ATXN10: variants seen among roughly 807,000 people sequenced by gnomAD.
ATXN10 encodes ataxin-10.
In ATXN10, 28 loss-of-function variants were observed where a neutral mutation model predicts 52.9. That is an observed-to-expected ratio of 0.53 (90% confidence interval 0.39 to 0.73). The LOEUF (loss-of-function observed/expected upper bound fraction) is 0.73. ATXN10 is among the 30% of genes least tolerant of loss of function. The pLI, the probability that ATXN10 is intolerant of heterozygous loss-of-function variation, is 0.00. For synonymous variants in ATXN10, 226 were observed against 221.5 expected (o/e 1.02, Z -0.18); for missense variants, 565 against 577.0 (o/e 0.98, Z 0.21).
intron 5 of ATXN10, among the ~76,000 whole-genome samples, chr22:45,711,961 A>C (rs184582322): frequency 6.6e-6 from 1 of 152,354 alleles, no homozygotes; most frequent in African/African-American, 2.4e-5. Context: ...ATACGTGTAT[A>C]TCTTTTTGTG....
chr22:45,844,067 G>T lies in ATXN10; in HGVS notation c.*396G>T. 5.2e-6 allele frequency: 1 copy of T among 192,922 alleles called. No homozygotes were observed. Among genetic ancestry groups the T allele is most frequent in the Non-Finnish European group, 1.1e-5 (1 of 93,964 alleles). 12.0% of individuals were successfully genotyped at this position (192,922 alleles called of 1,614,324 possible). ...ATTCTTTATATTCCTCTTCTCATTG[G>T]GTTTTCTGAACTCTGGCAGGCGGTT... On this transcript the variant is annotated 3_prime_UTR_variant, in exon 12 of 12. Coordinates refer to ENST00000252934, the MANE Select transcript of ATXN10 (RefSeq NM_013236.4).
At chr22:45,796,445 C>T (rs954066784) in intron 9 of ATXN10, among the ~76,000 whole-genome samples, 2 of 152,168 alleles carry the variant, frequency 1.3e-5, no homozygotes, top group Non-Finnish European at 2.9e-5. Flanking sequence ...AGCATGTGAT[C>T]TCTGTGACCC....
At position 45,712,765 on chromosome 22, in the gene ATXN10, A is replaced by G. The variant is rs2146767061; in HGVS notation, c.648-5648A>G. 6.6e-6 allele frequency among the ~76,000 whole-genome samples: 1 copy of G among 152,236 alleles called. No homozygotes were observed. The highest frequency in any genetic ancestry group is 2.1e-4 in the South Asian group (1 of 4,828). On this transcript the variant is annotated intron_variant, in intron 5 of 11. Coordinates refer to ENST00000252934, the MANE Select transcript of ATXN10 (RefSeq NM_013236.4). The surrounding 1 kb of genome is among the most constrained non-coding windows in gnomAD (Gnocchi z 4.6). The stretch of plus-strand genomic sequence containing the variant: ...TGAATCAGTGGACTGTTATTTTTCT[A>G]GTTTAATGCTACTCACGTTTAACCC...
At position 45,842,824 on chromosome 22, in the gene ATXN10, G is replaced by A. The variant is rs889684966; in HGVS notation, c.1238-167G>A. Among the ~76,000 whole-genome samples, 2 of 152,184 alleles carry A rather than the reference G, an allele frequency of 1.3e-5. No individual in the cohort carries two copies. Among genetic ancestry groups the A allele is most frequent in the African/African-American group, 4.8e-5 (2 of 41,444 alleles). ...TATGCCTGCGTTGCCTCTTTTTAAT[G>A]TGTTTGCACTTGAGATGCATATTCA... On this transcript the variant is annotated intron_variant, in intron 10 of 11. Transcript: ENST00000252934. The surrounding 1 kb of genome is among the most constrained non-coding windows in gnomAD (Gnocchi z 4.8).
chr22:45,689,586 A>G (rs1264154413), intron 1 of ATXN10, 126 bp from the exon 2 acceptor site: 4 of 747,076 alleles, frequency 5.4e-6, no homozygotes, highest in Non-Finnish European at 6.9e-6. Flanking sequence ...GTTGTAAATT[A>G]AGGAGCTAAA....
At chr22:45,735,812 C>CTTTTTTTTTTTTTTTTTTTTT (rs746222703) in intron 7 of ATXN10, among the ~76,000 whole-genome samples, 1 of 65,818 alleles carries the variant, frequency 1.5e-5, no homozygotes, top group Non-Finnish European at 2.9e-5. Flanking sequence ...ATTTGCTTGT[C>CTTTTTTTTTTTTTTTTTTTTT]TTTTTTTTTT....
Position 45,763,127 on chromosome 22 carries a change from T to C in ATXN10, c.1173+22589T>C, listed in dbSNP as rs1376424869. Among the ~76,000 whole-genome samples the C allele has an allele frequency of 6.6e-6, 1 of 152,178 alleles. No homozygotes were observed. The highest frequency in any genetic ancestry group is 6.5e-5 in the Admixed American group (1 of 15,280). ...ATCTGGAAGGAGGCCTAGGAAATGA[T>C]GTTTCTGTGGCCTTCCTACCCCCTC... On this transcript the variant is annotated intron_variant, in intron 9 of 11. Coordinates refer to ENST00000252934, the MANE Select transcript of ATXN10 (RefSeq NM_013236.4). The surrounding 1 kb of genome is among the most constrained non-coding windows in gnomAD (Gnocchi z 6.9).
chr22:45,738,134 A>G (rs1307485064), intron 7 of ATXN10, among the ~76,000 whole-genome samples: 1 of 152,214 alleles, frequency 6.6e-6, no homozygotes, highest in African/African-American at 2.4e-5. Context: ...TTGGTCATGC[A>G]GTGTATTTGA....
chr22:45,817,768 G>A (rs1928515055), intron 10 of ATXN10, among the ~76,000 whole-genome samples: 1 of 152,152 alleles, frequency 6.6e-6, no homozygotes. Flanking sequence ...CCAGGGCCCT[G>A]TATGAGTGAA....
chr22:45,770,752 C>G lies in ATXN10; in HGVS notation c.1173+30214C>G, dbSNP rs1367001472. Among the ~76,000 whole-genome samples, 2 of 152,218 alleles carry G rather than the reference C, an allele frequency of 1.3e-5. No individual in the cohort carries two copies. Among genetic ancestry groups the G allele is most frequent in the African/African-American group, 4.8e-5 (2 of 41,460 alleles). On this transcript the variant is annotated intron_variant, in intron 9 of 11. Coordinates refer to ENST00000252934, the MANE Select transcript of ATXN10 (RefSeq NM_013236.4). The surrounding 1 kb of genome is among the most constrained non-coding windows in gnomAD (Gnocchi z 4.5). The stretch of plus-strand genomic sequence containing the variant: ...AGAGGGCTTCTCAAAGAAAGGGGAG[C>G]TAAGGGCAGGATCCAGCCACGTCAC...
At chr22:45,817,651 A>G (rs1911795572) in intron 10 of ATXN10, among the ~76,000 whole-genome samples, 2 of 151,750 alleles carry the variant, frequency 1.3e-5, no homozygotes, top group South Asian at 2.1e-4. Flanking sequence ...TAAGTTGTAT[A>G]GTAATTCTCC....
chr22:45,706,618 C>A (rs969780623), intron 5 of ATXN10, among the ~76,000 whole-genome samples: 1 of 147,326 alleles, frequency 6.8e-6, no homozygotes, highest in Non-Finnish European at 1.5e-5. Context: ...CTTTTACTTT[C>A]ATTTATTTCA....
intron 9 of ATXN10, among the ~76,000 whole-genome samples, chr22:45,796,031 G>A (rs575996354): frequency 4.6e-5 from 7 of 152,316 alleles, no homozygotes; most frequent in African/African-American, 7.2e-5. Context: ...CTGCAGGGCC[G>A]GGCAGAACAG....
At chr22:45,807,066 G>A in intron 10 of ATXN10, 44 bp downstream of exon 10, 1 of 1,546,178 alleles carries the variant, frequency 6.5e-7, no homozygotes, top group South Asian at 1.1e-5. Context: ...TACAGCCGGG[G>A]CCCTTAGCAA....
At chr22:45,721,845 G>T (rs1601606160) in intron 6 of ATXN10, among the ~76,000 whole-genome samples, 2 of 152,130 alleles carry the variant, frequency 1.3e-5, no homozygotes, top group African/African-American at 4.8e-5. Context: ...AACTTGGGAG[G>T]TGGAGGTTGC....
intron 10 of ATXN10, among the ~76,000 whole-genome samples, chr22:45,836,165 C>T (rs1403971066): frequency 6.6e-6 from 1 of 152,048 alleles, no homozygotes; most frequent in African/African-American, 2.4e-5. Context: ...GTAGAATCTG[C>T]ACCATAAATT....
Position 45,715,560 on chromosome 22 carries a change from T to C in ATXN10, c.648-2853T>C, listed in dbSNP as rs1351990463. Among the ~76,000 whole-genome samples, 1 of 152,222 alleles carries C rather than the reference T, an allele frequency of 6.6e-6. No individual in the cohort carries two copies. Among genetic ancestry groups the C allele is most frequent in the Non-Finnish European group, 1.5e-5 (1 of 68,040 alleles). On this transcript the variant is annotated intron_variant, in intron 5 of 11. Transcript: ENST00000252934. The surrounding 1 kb of genome is among the most constrained non-coding windows in gnomAD (Gnocchi z 4.4). ...TGTTGTTGTTGTTAAGCTCATTAGC[T>C]ATTCTTAGTATATTTTATCTGTGCC...
chr22:45,723,165 G>GTA (rs71769548), intron 6 of ATXN10, among the ~76,000 whole-genome samples: 58 of 151,066 alleles, frequency 3.8e-4, no homozygotes, highest in East Asian at 1.4e-3. Context: ...GTGTGTGTGT[G>GTA]TATATATATA....
At chr22:45,680,815 A>G (rs551078512) in intron 1 of ATXN10, among the ~76,000 whole-genome samples, 2 of 151,922 alleles carry the variant, frequency 1.3e-5, no homozygotes, top group Non-Finnish European at 2.9e-5. Flanking sequence ...AGTTCTTAAG[A>G]TCCTTCTCTA....
Sources: gnomAD v4.1 joint callset for allele counts (sites outside exome capture counted in the v4.1 genomes callset) on GRCh38, gnomAD v4.1.1 for gene constraint, Gnocchi (gnomAD v3.1) non-coding constraint, MANE v1.5 for transcripts, NCBI Gene and HGNC (gene_info 2026-07-23, HGNC 2026-07-21) for gene names.